PTPRD: variants seen among roughly 807,000 people sequenced by gnomAD.
PTPRD encodes the protein receptor-type tyrosine-protein phosphatase delta.
A neutral mutation model predicts 214.5 loss-of-function variants in PTPRD; 34 were observed. The observed-to-expected ratio is 0.16, with a 90% CI of 0.12 to 0.21. The LOEUF (loss-of-function observed/expected upper bound fraction) is 0.21. Ranked by LOEUF, PTPRD falls within the 10% of genes least tolerant of loss-of-function variation. The pLI, the probability that PTPRD is intolerant of heterozygous loss-of-function variation, is 1.00. For missense variants in PTPRD, 2,545 were observed against 2,398.7 expected, an observed-to-expected ratio of 1.06 and a Z score of -1.27; for synonymous variants, 1,128 against 845.7, an observed-to-expected ratio of 1.33 and a Z score of -5.79.
intron 10 of PTPRD, among the ~76,000 whole-genome samples, chr9:9,174,977 TATC>T (rs2099923748): frequency 6.6e-6 from 1 of 152,076 alleles, no homozygotes; most frequent in African/African-American, 2.4e-5. Context: ...ATGGGATTAA[TATC>T]ATTATAAAAG....
chr9:9,889,357 C>T (rs927679855), intron 5 of PTPRD, among the ~76,000 whole-genome samples: 3 of 152,128 alleles, frequency 2.0e-5, no homozygotes, highest in Non-Finnish European at 4.4e-5. Context: ...TGCTTCAAAA[C>T]ATCATGGCAT....
chr9:9,935,887 T>C (rs28789124), intron 5 of PTPRD, among the ~76,000 whole-genome samples: 6,245 of 149,394 alleles, frequency 0.042, 138 homozygotes, highest in Non-Finnish European at 0.057. Flanking sequence ...GAGATATAGA[T>C]CAATGGAACA....
intron 8 of PTPRD, among the ~76,000 whole-genome samples, chr9:9,492,719 G>T (rs535524354): frequency 1.3e-5 from 2 of 151,090 alleles, no homozygotes; most frequent in Admixed American, 1.3e-4. Context: ...GCACTTCACA[G>T]ATTTTTTTTT....
At chr9:10,176,674 T>C (rs2099250391) in intron 3 of PTPRD, among the ~76,000 whole-genome samples, 1 of 151,990 alleles carries the variant, frequency 6.6e-6, no homozygotes, top group African/African-American at 2.4e-5. Context: ...AGTGAACTAC[T>C]TTAGGAGTAG....
At chr9:9,019,945 G>A (rs2099556936) in intron 10 of PTPRD, among the ~76,000 whole-genome samples, 1 of 152,042 alleles carries the variant, frequency 6.6e-6, no homozygotes, top group Non-Finnish European at 1.5e-5. Context: ...GTGAATAGCT[G>A]AGGCAAGTGG....
chr9:10,096,937 G>C (rs435391), intron 3 of PTPRD, among the ~76,000 whole-genome samples: 56,458 of 151,702 alleles, frequency 0.37, 11,257 homozygotes, highest in East Asian at 0.53. Context: ...AAGGGATCCA[G>C]TTTCAGCTTT....
intron 4 of PTPRD, among the ~76,000 whole-genome samples, chr9:10,016,689 G>T (rs1567112036): frequency 6.9e-6 from 1 of 144,944 alleles, no homozygotes; most frequent in Non-Finnish European, 1.5e-5. Context: ...TTTTTCCACA[G>T]AATTTTGTTC....
intron 9 of PTPRD, among the ~76,000 whole-genome samples, chr9:9,259,940 C>G (rs149735281): frequency 4.6e-5 from 7 of 151,952 alleles, no homozygotes; most frequent in Non-Finnish European, 8.8e-5. Context: ...ACCTTGTGGC[C>G]TTAGCTGGAC....
intron 7 of PTPRD, among the ~76,000 whole-genome samples, chr9:9,730,098 G>C (rs2098162424): frequency 1.3e-5 from 2 of 151,976 alleles, no homozygotes; most frequent in East Asian, 1.9e-4. Flanking sequence ...TAAAACATCA[G>C]AATATTTTTG....
chr9:9,474,098 AGTTT>A, intron 8 of PTPRD, among the ~76,000 whole-genome samples: 1 of 152,092 alleles, frequency 6.6e-6, no homozygotes, highest in South Asian at 2.1e-4. Flanking sequence ...CTTGGGTCTT[AGTTT>A]AAGTCTTTAT....
intron 39 of PTPRD, among the ~76,000 whole-genome samples, chr9:8,369,054 G>T (rs1365804221): frequency 6.6e-6 from 1 of 152,044 alleles, no homozygotes; most frequent in Non-Finnish European, 1.5e-5. Context: ...CAGGTTTAAG[G>T]AAAACATGGG....
intron 11 of PTPRD, among the ~76,000 whole-genome samples, chr9:8,821,352 C>G (rs569757107): frequency 4.6e-5 from 7 of 152,248 alleles, no homozygotes; most frequent in African/African-American, 1.7e-4. Flanking sequence ...CTCCTGGACT[C>G]CTGTTACCTG....
chr9:8,657,308 C>T (rs2096931686), intron 12 of PTPRD, among the ~76,000 whole-genome samples: 1 of 151,736 alleles, frequency 6.6e-6, no homozygotes, highest in Non-Finnish European at 1.5e-5. Context: ...GCTGGAATTA[C>T]AGGCACCCAC....
intron 3 of PTPRD, among the ~76,000 whole-genome samples, chr9:10,241,257 A>G (rs2090989321): frequency 1.3e-5 from 2 of 152,116 alleles, no homozygotes; most frequent in South Asian, 4.1e-4. Context: ...GTGGGAATGT[A>G]AAATGGTGCA....
chr9:10,497,400 C>G (rs954666479), intron 2 of PTPRD, among the ~76,000 whole-genome samples: 6 of 151,976 alleles, frequency 3.9e-5, no homozygotes, highest in African/African-American at 1.4e-4. Flanking sequence ...GCATGCCTGT[C>G]TCTTCTAACC....
chr9:8,899,289 C>A (rs551715474), intron 11 of PTPRD, among the ~76,000 whole-genome samples: 3 of 152,262 alleles, frequency 2.0e-5, no homozygotes, highest in African/African-American at 4.8e-5. Flanking sequence ...CTAAAGGTAG[C>A]ATGCCCTCTT....
chr9:9,936,253 C>G (rs940124888), intron 5 of PTPRD, among the ~76,000 whole-genome samples: 98 of 148,536 alleles, frequency 6.6e-4, no homozygotes, highest in Admixed American at 3.1e-3. Flanking sequence ...TAAAGAGCTT[C>G]TGCACAGCAA....
intron 3 of PTPRD, among the ~76,000 whole-genome samples, chr9:10,278,115 C>T (rs1163832090): frequency 3.3e-5 from 5 of 150,578 alleles, no homozygotes; most frequent in South Asian, 2.1e-4. Flanking sequence ...GAGATAGCGC[C>T]ACTGCACTCC....
rs191831448 is a variant in PTPRD, at chr9:8,770,633, G to C, written c.-103-36687C>G. On this transcript the variant is annotated intron_variant, in intron 11 of 45. Transcript: ENST00000381196. ...CAAACTCAAAGAAGATCCAAAAACAGATCTACTTGATACTTGCTTGACCTT... is the reference window on the plus strand; with the variant it reads ...CAAACTCAAAGAAGATCCAAAAACACATCTACTTGATACTTGCTTGACCTT... Among the ~76,000 whole-genome samples, 10 of 152,192 alleles carry C rather than the reference G, an allele frequency of 6.6e-5. No individual in the cohort carries two copies. In the East Asian group the frequency reaches 1.2e-3, roughly 18 times the overall value.
Sources: allele counts gnomAD v4.1 joint callset (sites outside exome capture counted in the v4.1 genomes callset), GRCh38; gene constraint gnomAD v4.1.1; transcripts MANE v1.5; gene names NCBI Gene and HGNC (gene_info 2026-07-23, HGNC 2026-07-21).